Variants in ARL13B observed in about 807,000 individuals in gnomAD.
ARL13B encodes the protein ADP-ribosylation factor-like protein 13B.
Under a neutral mutation model 56.1 loss-of-function variants are expected in ARL13B, and 36 were observed. The observed-to-expected ratio is 0.64, with a 90% confidence interval of 0.49 to 0.85. The LOEUF (loss-of-function observed/expected upper bound fraction) is 0.85, where lower values mean the gene tolerates loss of function less well. Ranked by LOEUF, ARL13B falls within the 40% of genes least tolerant of loss-of-function variation. The pLI is 0.00. For synonymous variants in ARL13B, 178 were observed against 171.1 expected (o/e 1.04, Z -0.32); for missense variants, 519 against 507.1 (o/e 1.02, Z -0.23).
chr3:93,994,083 T>C (rs1420883285), intron 1 of ARL13B, among the ~76,000 whole-genome samples: 2 of 152,246 alleles, frequency 1.3e-5, no homozygotes, highest in Non-Finnish European at 2.9e-5. Flanking sequence ...GAAATTAACA[T>C]GGAATTCGTT....
chr3:94,025,342 A>T (rs2076533492), intron 3 of ARL13B, among the ~76,000 whole-genome samples: 1 of 152,182 alleles, frequency 6.6e-6, no homozygotes, highest in Admixed American at 6.5e-5. Flanking sequence ...TTTCAGTGTT[A>T]TACATCATGG....
At chr3:93,991,196 C>G (rs2075869756) in intron 1 of ARL13B, among the ~76,000 whole-genome samples, 1 of 152,170 alleles carries the variant, frequency 6.6e-6, no homozygotes, top group African/African-American at 2.4e-5. Context: ...TTTATAGACA[C>G]TGTAAACCTA....
chr3:94,005,306 C>T (rs1008933318), intron 3 of ARL13B, among the ~76,000 whole-genome samples: 1 of 151,914 alleles, frequency 6.6e-6, no homozygotes, highest in Non-Finnish European at 1.5e-5. Flanking sequence ...TGAAAACAAA[C>T]AAGTAAAAGA....
intron 3 of ARL13B, among the ~76,000 whole-genome samples, chr3:94,023,711 T>C (rs1323946093): frequency 1.3e-5 from 2 of 152,108 alleles, no homozygotes; most frequent in Admixed American, 6.5e-5. Context: ...CTGTTCTTTT[T>C]CCCCTATTGT....
intron 2 of ARL13B, among the ~76,000 whole-genome samples, chr3:94,001,713 C>A (rs558889596): frequency 1.3e-5 from 2 of 152,238 alleles, no homozygotes; most frequent in Middle Eastern, 3.4e-3. Flanking sequence ...CTAACAAAGT[C>A]CTGGTACCAA....
chr3:93,993,919 A>C (rs1298858145), intron 1 of ARL13B, among the ~76,000 whole-genome samples: 1 of 152,200 alleles, frequency 6.6e-6, no homozygotes, highest in Non-Finnish European at 1.5e-5. Context: ...CTTCGCCACC[A>C]GCCAATTGAG....
At chr3:93,980,503 C>T (rs1271520123) in intron 1 of ARL13B, 21 bp downstream of exon 1, 1 of 1,608,514 alleles carries the variant, frequency 6.2e-7, no homozygotes. Flanking sequence ...GCCAGCTGTC[C>T]TGGCCGTCCT....
chr3:93,985,367 T>G (rs1710407466), intron 1 of ARL13B, among the ~76,000 whole-genome samples: 1 of 152,164 alleles, frequency 6.6e-6, no homozygotes. Context: ...AAATAGTGCA[T>G]GTAAAATATA....
chr3:94,052,772 T>C (rs2077086848), intron 9 of ARL13B, among the ~76,000 whole-genome samples: 1 of 152,180 alleles, frequency 6.6e-6, no homozygotes, highest in Non-Finnish European at 1.5e-5. Flanking sequence ...CATTTTTTGT[T>C]GCAATGTAAA....
In ARL13B at chr3:94,000,996, T is replaced by C. The variant is rs73846075; in HGVS notation, c.131-2663T>C. On this transcript the variant is annotated intron_variant, in intron 2 of 9. Transcript: ENST00000394222. ...CAGGAGCTTCAGTTATCTCAGTGGT[T>C]TGGTGGTGTAGTATTGAGCCCTATA... 4.7e-3 allele frequency among the ~76,000 whole-genome samples: 721 copies of C among 152,146 alleles called. 5 individuals are homozygous for C. Among genetic ancestry groups the C allele is most frequent in the African/African-American group, 0.012 (491 of 41,522 alleles).
At chr3:94,028,945 A>T (rs1421475841) in intron 3 of ARL13B, among the ~76,000 whole-genome samples, 1 of 152,092 alleles carries the variant, frequency 6.6e-6, no homozygotes, top group Non-Finnish European at 1.5e-5. Flanking sequence ...AGGAAATCCC[A>T]AAAGAGCTTA....
intron 3 of ARL13B, among the ~76,000 whole-genome samples, chr3:94,033,210 G>A (rs969741134): frequency 4.1e-4 from 62 of 152,194 alleles, no homozygotes; most frequent in African/African-American, 1.5e-3. Flanking sequence ...TTGGAGACTT[G>A]GACAGGTGGG....
chr3:93,997,530 C>T (rs927354116), intron 2 of ARL13B, among the ~76,000 whole-genome samples: 16 of 152,286 alleles, frequency 1.1e-4, no homozygotes, highest in South Asian at 6.2e-4. Context: ...CTATCTTCTA[C>T]GTTATATCTT....
At chr3:94,034,074 A>G (rs1211853073) in intron 3 of ARL13B, among the ~76,000 whole-genome samples, 1 of 152,162 alleles carries the variant, frequency 6.6e-6, no homozygotes, top group Non-Finnish European at 1.5e-5. Context: ...ATATTGGAGA[A>G]TATTGAGTAA....
At chr3:94,012,569 T>G (rs1273713363) in intron 3 of ARL13B, among the ~76,000 whole-genome samples, 1 of 152,188 alleles carries the variant, frequency 6.6e-6, no homozygotes, top group Non-Finnish European at 1.5e-5. Context: ...ATGTGCAGTT[T>G]CTGTGACCTG....
chr3:94,031,649 G>A (rs561096335), intron 3 of ARL13B, among the ~76,000 whole-genome samples: 20 of 152,232 alleles, frequency 1.3e-4, no homozygotes, highest in African/African-American at 4.6e-4. Flanking sequence ...TCATAATGAT[G>A]CCTCTCAAAA....
In ARL13B at chr3:94,053,271, G is replaced by A. The variant is rs192550354; in HGVS notation, c.*8G>A. On this transcript the variant is annotated 3_prime_UTR_variant, in exon 10 of 10. Transcript: ENST00000394222. ...CATGATGTGATCTCATAAACAAGACGTATGGAGGAGTTCTCTTAATATCAG... is the reference window on the plus strand; with the variant it reads ...CATGATGTGATCTCATAAACAAGACATATGGAGGAGTTCTCTTAATATCAG... 10 of 1,611,404 alleles carry A rather than the reference G, an allele frequency of 6.2e-6. No homozygotes were observed. Among genetic ancestry groups the A allele is most frequent in the Admixed American group, 5.0e-5 (3 of 59,968 alleles).
intron 7 of ARL13B, among the ~76,000 whole-genome samples, chr3:94,047,289 A>C (rs1467198914): frequency 6.6e-6 from 1 of 152,180 alleles, no homozygotes; most frequent in Admixed American, 6.5e-5. Flanking sequence ...ATTAATTTGA[A>C]AGTTATACTT....
chr3:94,030,232 A>T (rs911768416), intron 3 of ARL13B, among the ~76,000 whole-genome samples: 4 of 151,756 alleles, frequency 2.6e-5, no homozygotes, highest in African/African-American at 4.8e-5. Flanking sequence ...ATATTTTTTT[A>T]TTTTTATTTT....
Sources: allele counts gnomAD v4.1 joint callset (sites outside exome capture counted in the v4.1 genomes callset), GRCh38; gene constraint gnomAD v4.1.1; transcripts MANE v1.5; gene names NCBI Gene and HGNC (gene_info 2026-07-23, HGNC 2026-07-21).